Variants in CACNA2D3 observed in about 807,000 individuals in gnomAD.
CACNA2D3 encodes calcium voltage-gated channel auxiliary subunit alpha2delta 3, also known as voltage-dependent calcium channel subunit alpha-2/delta-3.
A neutral mutation model predicts 160.6 loss-of-function variants in CACNA2D3; 60 were observed. The observed-to-expected ratio is 0.37, with a 90% CI of 0.30 to 0.46. The LOEUF (loss-of-function observed/expected upper bound fraction) is 0.46, where lower values mean the gene tolerates loss of function less well. Among genes scored for constraint, CACNA2D3 ranks in the 20% least tolerant of loss-of-function variants. The probability of loss-of-function intolerance (pLI) is 1.00; values close to 1 mark genes in which losing one functional copy is unlikely to be tolerated. For synonymous variants in CACNA2D3, 558 were observed against 492.9 expected, an observed-to-expected ratio of 1.13 and a Z score of -1.75; for missense variants, 1,205 against 1,365.0, an observed-to-expected ratio of 0.88 and a Z score of 1.85.
intron 11 of CACNA2D3, among the ~76,000 whole-genome samples, chr3:54,742,181 A>G (rs946288081): frequency 6.6e-6 from 1 of 152,128 alleles, no homozygotes; most frequent in African/African-American, 2.4e-5. Flanking sequence ...CACTTTGGGA[A>G]GTCGAGGCGA....
At chr3:54,513,663 T>A (rs1361645847) in intron 5 of CACNA2D3, among the ~76,000 whole-genome samples, 1 of 151,156 alleles carries the variant, frequency 6.6e-6, no homozygotes, top group East Asian at 1.9e-4. Context: ...AGCTATGTCA[T>A]GCCTGTTTTT....
At chr3:54,969,279 T>TTTTTTTA (rs1702220785) in intron 28 of CACNA2D3, among the ~76,000 whole-genome samples, 2 of 150,194 alleles carry the variant, frequency 1.3e-5, no homozygotes, top group African/African-American at 2.5e-5. Context: ...TTTTTTTTTT[T>TTTTTTTA]GAGATAGTCT....
chr3:54,865,880 G>A (rs1699390680), intron 17 of CACNA2D3, among the ~76,000 whole-genome samples: 1 of 152,168 alleles, frequency 6.6e-6, no homozygotes, highest in Non-Finnish European at 1.5e-5. Flanking sequence ...GTGCAGCACT[G>A]TAAGCTGAGT....
intron 27 of CACNA2D3, among the ~76,000 whole-genome samples, chr3:54,902,451 A>T (rs986085805): frequency 7.2e-5 from 11 of 152,174 alleles, no homozygotes; most frequent in Admixed American, 2.0e-4. Flanking sequence ...CTTGGTGCAT[A>T]AATGGGCCCC....
At chr3:54,421,903 C>T (rs777584217) in intron 4 of CACNA2D3, among the ~76,000 whole-genome samples, 35 of 151,996 alleles carry the variant, frequency 2.3e-4, no homozygotes, top group Admixed American at 7.9e-4. Flanking sequence ...CCTGTGTTTC[C>T]AACAGCAGGT....
At chr3:55,046,104 C>CT (rs563600446) in intron 35 of CACNA2D3, among the ~76,000 whole-genome samples, 1,693 of 134,074 alleles carry the variant, frequency 0.013, 31 homozygotes, top group African/African-American at 0.039. Context: ...TTTTTAACGT[C>CT]TTTTTTTTTA....
intron 4 of CACNA2D3, among the ~76,000 whole-genome samples, chr3:54,488,475 A>G (rs1701052833): frequency 6.6e-6 from 1 of 151,978 alleles, no homozygotes; most frequent in African/African-American, 2.4e-5. Flanking sequence ...ATTAGACTGA[A>G]CAGTGGCCCG....
intron 17 of CACNA2D3, among the ~76,000 whole-genome samples, chr3:54,849,129 G>A (rs1490203030): frequency 2.6e-5 from 4 of 152,108 alleles, no homozygotes; most frequent in South Asian, 4.1e-4. Context: ...TTTCTTTTTG[G>A]TTCTACGGCA....
chr3:55,023,482 G>T (rs77040628), intron 35 of CACNA2D3, among the ~76,000 whole-genome samples: 1,802 of 152,068 alleles, frequency 0.012, 37 homozygotes, highest in African/African-American at 0.04. Flanking sequence ...TCGGTTCTCT[G>T]TACCAAATTA....
At chr3:54,809,614 G>A (rs573660537) in intron 13 of CACNA2D3, among the ~76,000 whole-genome samples, 22 of 140,150 alleles carry the variant, frequency 1.6e-4, no homozygotes, top group Non-Finnish European at 2.5e-4. Context: ...CACCGCGCCC[G>A]GCCCCTTCCT....
At position 54,558,414 on chromosome 3, in the gene CACNA2D3, T is replaced by G. The variant is rs1702272513; in HGVS notation, c.545-4386T>G. ...AAACAGGTCTCTAGGGTGGGTATTT[T>G]TTTTTTCCTTTCCATCTTTTGTGTT... On this transcript the variant is annotated intron_variant, in intron 5 of 37. Transcript: ENST00000474759. Among the ~76,000 whole-genome samples the G allele has an allele frequency of 2.0e-5, 3 of 151,946 alleles. No individual in the cohort carries two copies. In the South Asian group the frequency reaches 6.2e-4, roughly 32 times the overall value.
At chr3:54,567,874 G>A (rs1702433842) in intron 6 of CACNA2D3, among the ~76,000 whole-genome samples, 2 of 152,234 alleles carry the variant, frequency 1.3e-5, no homozygotes, top group African/African-American at 4.8e-5. Context: ...ATGTTGTATG[G>A]AAAACACTGC....
intron 11 of CACNA2D3, among the ~76,000 whole-genome samples, chr3:54,698,524 A>G (rs552457629): frequency 5.3e-5 from 8 of 152,258 alleles, no homozygotes; most frequent in Middle Eastern, 6.8e-3. Flanking sequence ...ACTCATTTTG[A>G]TATGTTTTTG....
chr3:54,631,060 C>T (rs1294562701), intron 10 of CACNA2D3, among the ~76,000 whole-genome samples: 1 of 152,004 alleles, frequency 6.6e-6, no homozygotes, highest in African/African-American at 2.4e-5. Flanking sequence ...AAAAATTAGT[C>T]AGGCATGGTG....
At chr3:55,026,987 G>GCATGCACACA (rs200969524) in intron 35 of CACNA2D3, among the ~76,000 whole-genome samples, 3 of 149,138 alleles carry the variant, frequency 2.0e-5, no homozygotes, top group African/African-American at 7.8e-5. Flanking sequence ...AAGCGCGCAT[G>GCATGCACACA]CACGCACACA....
intron 26 of CACNA2D3, 37 bp downstream of exon 26, chr3:54,896,907 G>A: frequency 6.2e-7 from 1 of 1,613,338 alleles, no homozygotes; most frequent in Non-Finnish European, 8.5e-7. Context: ...CTGTCTGTCT[G>A]GTCCAGTGGG....
chr3:54,326,301 G>T (rs1335272735), intron 3 of CACNA2D3, among the ~76,000 whole-genome samples: 3 of 152,160 alleles, frequency 2.0e-5, no homozygotes, highest in Admixed American at 2.0e-4. Flanking sequence ...CAAAAAGCTA[G>T]AGGGTACTAT....
chr3:54,643,877 A>C (rs1699579417), intron 11 of CACNA2D3, among the ~76,000 whole-genome samples: 1 of 152,194 alleles, frequency 6.6e-6, no homozygotes, highest in South Asian at 2.1e-4. Flanking sequence ...TTTGCAGCCA[A>C]ATAGAATGTT....
At chr3:54,273,636 G>A (rs968587360) in intron 2 of CACNA2D3, among the ~76,000 whole-genome samples, 17 of 152,148 alleles carry the variant, frequency 1.1e-4, no homozygotes, top group African/African-American at 4.1e-4. Context: ...CTCACAACAC[G>A]GACAGCAGGA....
Sources: gnomAD v4.1 joint callset for allele counts (sites outside exome capture counted in the v4.1 genomes callset) on GRCh38, gnomAD v4.1.1 for gene constraint, MANE v1.5 for transcripts, NCBI Gene and HGNC (gene_info 2026-07-23, HGNC 2026-07-21) for gene names.